The following SLC8A2 variants were observed in gnomAD, a reference collection of about 807,000 sequenced individuals.
The protein encoded by SLC8A2 is solute carrier family 8 member A2.
Under a neutral mutation model 70.2 loss-of-function variants are expected in SLC8A2, and 14 were observed. The ratio of observed to expected loss-of-function variants is 0.20; its 90% confidence interval spans 0.13 to 0.31. The LOEUF is 0.31. SLC8A2 is among the 10% of genes least tolerant of loss of function. The pLI, the probability that SLC8A2 is intolerant of heterozygous loss-of-function variation, is 1.00. For missense variants in SLC8A2, 779 were observed against 1,320.1 expected (o/e 0.59, Z 6.35); for synonymous variants, 575 against 594.3 (o/e 0.97, Z 0.47).
intron 1 of SLC8A2, among the ~76,000 whole-genome samples, chr19:47,470,295 C>T (rs965084806): frequency 2.0e-5 from 3 of 151,556 alleles, no homozygotes. Flanking sequence ...AAGCCCCCTC[C>T]GTGGGCACTG....
intron 1 of SLC8A2, among the ~76,000 whole-genome samples, chr19:47,469,907 C>T (rs1320641612): frequency 6.6e-6 from 1 of 152,222 alleles, no homozygotes; most frequent in Non-Finnish European, 1.5e-5. Flanking sequence ...TTCTGCCTCA[C>T]GTGCCTCTTA....
rs550975561 is a variant in SLC8A2 at position 47,430,050 on chromosome 19, C to T, written c.*39G>A. 59 of 1,545,598 alleles carry T rather than the reference C, an allele frequency of 3.8e-5. No homozygotes were observed. The highest frequency in any genetic ancestry group is 5.1e-5 in the Non-Finnish European group (58 of 1,144,980). On this transcript the variant is annotated 3_prime_UTR_variant, in exon 10 of 10. Transcript: ENST00000236877. This position sits in a 1 kb window ranked among gnomAD's most constrained non-coding sequence, Gnocchi z 5.9. ...AGAGCAGGTGCAGCCGAGTCCCTAG[C>T]CCCGGGCGGGCGGTGGGGACGAGTC...
At position 47,448,178 on chromosome 19, in the gene SLC8A2, C is replaced by A. The variant is rs866145247; in HGVS notation, c.1394G>T (p.Gly465Val). ...PGETQKELRI[G>V]IIDDDIFEED... ...CTCGAAGATGTCGTCGTCGATGATGCCGATGCGCAGCTCCTTCTGCGTCTC... is the reference window on the plus strand; with the variant it reads ...CTCGAAGATGTCGTCGTCGATGATGACGATGCGCAGCTCCTTCTGCGTCTC... Residue 465 changes from glycine to valine, a missense_variant, in exon 4 of 10, where the codon GGC (glycine) becomes GTC (valine). This residue lies in a region of SLC8A2 where 18 missense variants were observed against 61.3 expected (regional missense o/e 0.29). Coordinates refer to ENST00000236877, the MANE Select transcript of SLC8A2 (RefSeq NM_015063.3). This position sits in a 1 kb window ranked among gnomAD's most constrained non-coding sequence, Gnocchi z 4.8. 6.2e-7 allele frequency: 1 copy of A among 1,611,580 alleles called. No individual in the cohort carries two copies. The highest frequency in any genetic ancestry group is 8.5e-7 in the Non-Finnish European group (1 of 1,178,984).
chr19:47,435,027 G>A (rs986387611), intron 8 of SLC8A2, among the ~76,000 whole-genome samples: 1 of 152,038 alleles, frequency 6.6e-6, no homozygotes, highest in Non-Finnish European at 1.5e-5. Context: ...CGGCCAACAT[G>A]GTGAAATCCC....
rs762171509 is a variant in SLC8A2, at chr19:47,430,179, C to T, written c.2676G>A (p.Lys892=). The change falls in exon 10 of 10, where the codon AAG becomes AAA. Residue 892 remains lysine, a synonymous_variant. Transcript: ENST00000236877. The surrounding 1 kb of genome is among the most constrained non-coding windows in gnomAD (Gnocchi z 5.9). ...GGELGGPRGP[K]LATTALFLGL... is the part of the protein sequence containing the mutation. ...CCAGGAAGAGCGCGGTGGTGGCGAG[C>T]TTGGGTCCGCGCGGGCCGCCCAGCT... is the stretch of plus-strand genomic sequence containing the variant. The T allele has an allele frequency of 1.3e-5, 20 of 1,599,606 alleles. 1 individual carries two copies. In the South Asian group the frequency reaches 2.2e-4, roughly 18 times the overall value.
chr19:47,451,053 G>C (rs1436073422), intron 3 of SLC8A2, among the ~76,000 whole-genome samples: 2 of 144,992 alleles, frequency 1.4e-5, no homozygotes, highest in Non-Finnish European at 3.0e-5. Context: ...CTGTCGCCCA[G>C]GCTGGAGTGC....
Position 47,430,533 on chromosome 19 carries a change from G to T in SLC8A2, c.2390-68C>A. The T allele has an allele frequency of 6.9e-7, 1 of 1,455,518 alleles. No homozygotes were observed. Among genetic ancestry groups the T allele is most frequent in the Non-Finnish European group, 9.1e-7 (1 of 1,099,278 alleles). The allele number at this position is 1,455,518 out of a possible 1,614,324, so 90.2% of individuals were successfully genotyped here. A position where few individuals can be genotyped will look rare whatever the true frequency, so the allele number is the denominator to read the frequency against. On this transcript the variant is annotated intron_variant, in intron 9 of 9. Coordinates refer to ENST00000236877, the MANE Select transcript of SLC8A2 (RefSeq NM_015063.3). This position sits in a 1 kb window ranked among gnomAD's most constrained non-coding sequence, Gnocchi z 5.9. ...CACCCACAGGGGCGGGCATCCGCCT[G>T]CCCCCTCCCAGCCTTTCCCGGTCGC... is the stretch of plus-strand genomic sequence containing the variant.
intron 3 of SLC8A2, 123 bp downstream of exon 3, chr19:47,456,807 G>T: frequency 9.8e-7 from 1 of 1,017,166 alleles, no homozygotes; most frequent in South Asian, 1.8e-5. Flanking sequence ...ATGAATGAAT[G>T]AACAAATGAA....
At chr19:47,469,823 G>A (rs1034382981) in intron 1 of SLC8A2, among the ~76,000 whole-genome samples, 2 of 152,204 alleles carry the variant, frequency 1.3e-5, no homozygotes, top group African/African-American at 2.4e-5. Flanking sequence ...CAGATGGCAG[G>A]TACCGTCTCC....
In SLC8A2 at chr19:47,438,011, C is replaced by T. The variant is rs77336684; in HGVS notation, c.1886-38G>A. On this transcript the variant is annotated intron_variant, in intron 6 of 9. Coordinates refer to ENST00000236877, the MANE Select transcript of SLC8A2 (RefSeq NM_015063.3). ...GGGTGGGGGTTAGACTCCTGGGAGA[C>T]CTACCTAATTGGGCCTGTGACGCCT... The T allele has an allele frequency of 1.9e-3, 3,085 of 1,612,958 alleles. 81 individuals carry two copies. In the East Asian group the frequency reaches 0.059, roughly 31 times the overall value.
chr19:47,450,265 G>A (rs1270514438), intron 3 of SLC8A2, among the ~76,000 whole-genome samples: 2 of 152,174 alleles, frequency 1.3e-5, no homozygotes, highest in Admixed American at 1.3e-4. Flanking sequence ...GCTCACGCCT[G>A]TAATACCAAC....
chr19:47,452,407 A>ATG, intron 3 of SLC8A2, among the ~76,000 whole-genome samples: 1 of 62,036 alleles, frequency 1.6e-5, no homozygotes, highest in African/African-American at 6.2e-5. Flanking sequence ...GGAGAGAGAG[A>ATG]GAGAGAGAGA....
At chr19:47,431,948 T>C (rs1191102935) in intron 9 of SLC8A2, 3 of 444,740 alleles carry the variant, frequency 6.7e-6, no homozygotes, top group Admixed American at 3.9e-5. Context: ...CTTAGTTTTA[T>C]GGGACCTTCT....
At chr19:47,439,823 C>T (rs1447476126) in intron 6 of SLC8A2, among the ~76,000 whole-genome samples, 1 of 151,984 alleles carries the variant, frequency 6.6e-6, no homozygotes, top group Non-Finnish European at 1.5e-5. Flanking sequence ...ACCACCATGC[C>T]CGGCTAATTT....
intron 1 of SLC8A2, among the ~76,000 whole-genome samples, chr19:47,470,345 TCATA>T (rs1456765364): frequency 3.7e-5 from 4 of 109,242 alleles, no homozygotes; most frequent in Non-Finnish European, 8.6e-5. Flanking sequence ...CAGGGAGACA[TCATA>T]CACACACACA....
At chr19:47,444,054 C>A (rs1326503007) in intron 4 of SLC8A2, among the ~76,000 whole-genome samples, 1 of 152,012 alleles carries the variant, frequency 6.6e-6, no homozygotes, top group Non-Finnish European at 1.5e-5. Context: ...TGCCACCACA[C>A]CTGGCTACTT....
intron 9 of SLC8A2, among the ~76,000 whole-genome samples, chr19:47,431,345 A>G (rs1474050872): frequency 6.6e-6 from 1 of 150,474 alleles, no homozygotes; most frequent in Non-Finnish European, 1.5e-5. Context: ...CTGCCCCCTC[A>G]TCTTAGTTAA....
Position 47,470,050 on chromosome 19 carries a change from T to C in SLC8A2, c.-17+1739A>G, listed in dbSNP as rs535871216. Among the ~76,000 whole-genome samples, 7 of 152,312 alleles carry C rather than the reference T, an allele frequency of 4.6e-5. No individual in the cohort carries two copies. The East Asian group carries it at 1.2e-3, about 25-fold the overall frequency. ...CGGCAAGGGAGGGTGCTTTTCTGAC[T>C]GTGCCTGTGTTGGGGGGCTGGCCCT... is the stretch of plus-strand genomic sequence containing the variant. On this transcript the variant is annotated intron_variant, in intron 1 of 9. Transcript: ENST00000236877.
chr19:47,442,100 CA>C (rs1231271185), intron 4 of SLC8A2, among the ~76,000 whole-genome samples: 7 of 151,894 alleles, frequency 4.6e-5, no homozygotes, highest in Non-Finnish European at 7.4e-5. Context: ...GACACCATCT[CA>C]AAAAATAATA....
Sources: allele counts gnomAD v4.1 joint callset (sites outside exome capture counted in the v4.1 genomes callset), GRCh38; gene constraint gnomAD v4.1.1; regional missense constraint gnomAD v4.1.1; non-coding constraint Gnocchi (gnomAD v3.1); transcripts MANE v1.5; gene names NCBI Gene and HGNC (gene_info 2026-07-23, HGNC 2026-07-21).